The following TLR6 variants were observed in gnomAD, a reference collection of about 807,000 sequenced individuals.
TLR6 encodes toll-like receptor 6.
Under a neutral mutation model 16.1 loss-of-function variants are expected in TLR6, and 9 were observed. The observed-to-expected ratio is 0.56, with a 90% CI of 0.34 to 0.98. The LOEUF is 0.98. TLR6 is among the 50% of genes least tolerant of loss of function. The probability of loss-of-function intolerance (pLI) is 0.02; values close to 1 mark genes in which losing one functional copy is unlikely to be tolerated. For missense variants in TLR6, 786 were observed against 921.0 expected, an observed-to-expected ratio of 0.85 and a Z score of 1.90; for synonymous variants, 340 against 338.6, an observed-to-expected ratio of 1.00 and a Z score of -0.04.
intron 1 of TLR6, among the ~76,000 whole-genome samples, chr4:38,839,901 C>T (rs1189184842): frequency 6.6e-6 from 1 of 152,218 alleles, no homozygotes; most frequent in Non-Finnish European, 1.5e-5. Context: ...GACAGTGGTG[C>T]CAGTGCTGAG....
exon 2 of TLR6, chr4:38,829,465 T>G: frequency 6.2e-7 from 1 of 1,609,216 alleles, no homozygotes; most frequent in Middle Eastern, 1.7e-4. Flanking sequence ...GTTCTTTGTC[T>G]TTGGTCATGA....
At chr4:38,843,367 A>G (rs1447675179) in intron 1 of TLR6, among the ~76,000 whole-genome samples, 1 of 152,232 alleles carries the variant, frequency 6.6e-6, no homozygotes, top group Non-Finnish European at 1.5e-5. Context: ...GATAATTGAG[A>G]GCAGATTACC....
intron 1 of TLR6, among the ~76,000 whole-genome samples, chr4:38,831,247 A>G (rs1711558350): frequency 1.3e-5 from 2 of 151,700 alleles, no homozygotes; most frequent in South Asian, 2.1e-4. Context: ...TGGAGAATGG[A>G]TAGTCTTTTC....
chr4:38,866,868 A>T, the TLR6 span, among the ~76,000 whole-genome samples: 13 of 152,160 alleles, frequency 8.5e-5, no homozygotes, highest in East Asian at 2.5e-3. Context: ...TTTAACTTTG[A>T]ATTTATAATT....
chr4:38,843,345 C>T (rs1712369893), intron 1 of TLR6, among the ~76,000 whole-genome samples: 1 of 152,204 alleles, frequency 6.6e-6, no homozygotes, highest in East Asian at 1.9e-4. Flanking sequence ...AAGTAGGTCT[C>T]TGTGTTGCAG....
chr4:38,856,430 C>T (rs1712991760), intron 1 of TLR6, among the ~76,000 whole-genome samples: 4 of 152,114 alleles, frequency 2.6e-5, no homozygotes, highest in Admixed American at 6.6e-5. Flanking sequence ...TTAAATGTTA[C>T]TGAAAACAAT....
chr4:38,849,728 C>A (rs1487324067), intron 1 of TLR6, among the ~76,000 whole-genome samples: 1 of 152,208 alleles, frequency 6.6e-6, no homozygotes, highest in Non-Finnish European at 1.5e-5. Flanking sequence ...GAAGAGCTAA[C>A]TATCCTAAAT....
At position 38,826,240 on chromosome 4, in the gene TLR6, TG is replaced by T. The variant is rs550554965; in HGVS notation, c.*842del. The T allele has an allele frequency of 8.1e-4, 123 of 152,418 alleles. 3 individuals are homozygous for T. The highest frequency in any genetic ancestry group is 2.9e-3 in the African/African-American group (121 of 41,596). 9.4% of individuals were successfully genotyped at this position (152,418 alleles called of 1,614,324 possible). ...CTTAATGACTCTTTAATCACGCTTT[TG>T]ACTCTAGTCTTCTAGAGATGGATAA... On this transcript the variant is annotated 3_prime_UTR_variant, in exon 2 of 2. Transcript: ENST00000436693.
chr4:38,835,832 T>C (rs1173028097), intron 1 of TLR6, among the ~76,000 whole-genome samples: 1 of 152,146 alleles, frequency 6.6e-6, no homozygotes, highest in Non-Finnish European at 1.5e-5. Context: ...TTTGAAACTG[T>C]ATAAATACAT....
At chr4:38,824,971 A>G in exon 2 of TLR6, 1 of 151,828 alleles carries the variant, frequency 6.6e-6, no homozygotes, top group East Asian at 1.9e-4. Context: ...TAATTTTTGT[A>G]TTTTTAGTAC....
chr4:38,827,572 T>C, exon 2 of TLR6: 1 of 1,614,236 alleles, frequency 6.2e-7, no homozygotes. Context: ...TTTGGAGTTC[T>C]TCTAAGGGTA....
exon 2 of TLR6, chr4:38,826,923 CA>C (rs1207388703): frequency 1.6e-6 from 1 of 611,782 alleles, no homozygotes; most frequent in Non-Finnish European, 2.7e-6. Flanking sequence ...AGGCTAACCT[CA>C]CCGCCTAGCT....
chr4:38,868,115 G>A, the TLR6 span: 2 of 270,096 alleles, frequency 7.4e-6, no homozygotes, highest in South Asian at 3.3e-5. Flanking sequence ...ACACCCACAC[G>A]CCCACACTCA....
At chr4:38,825,386 T>G (rs1727497292) in exon 2 of TLR6, 1 of 152,236 alleles carries the variant, frequency 6.6e-6, no homozygotes, top group African/African-American at 2.4e-5. Context: ...TCTTTACTCT[T>G]CCTCCATTGT....
chr4:38,842,939 C>T (rs1174265087), intron 1 of TLR6, among the ~76,000 whole-genome samples: 3 of 151,872 alleles, frequency 2.0e-5, no homozygotes, highest in Admixed American at 2.0e-4. Flanking sequence ...TTCCAACCAA[C>T]ATTAGACTGC....
rs147490469 is a variant in TLR6, at chr4:38,854,458, T to C, written c.-65+2303A>G. 1.1e-4 allele frequency among the ~76,000 whole-genome samples: 17 copies of C among 152,294 alleles called. No homozygotes were observed. In the East Asian group the frequency reaches 2.5e-3, roughly 22 times the overall value. On this transcript the variant is annotated intron_variant, in intron 1 of 1. Transcript: ENST00000436693. ...AATGCCTGTTATTTTTACTATAAGA[T>C]ATTTAAGCATAAAAAGAGGAAGGGG...
exon 2 of TLR6, chr4:38,828,797 G>A: frequency 6.2e-7 from 1 of 1,613,866 alleles, no homozygotes; most frequent in Non-Finnish European, 8.5e-7. Flanking sequence ...TTTAATATTA[G>A]TCAGTTGTAA....
At chr4:38,858,231 TG>T (rs1178899188), upstream of TLR6, among the ~76,000 whole-genome samples, 1 of 152,222 alleles carries the variant, frequency 6.6e-6, no homozygotes, top group Non-Finnish European at 1.5e-5. Flanking sequence ...CTGTGAGGCT[TG>T]GGACAAGTCC....
upstream of TLR6, among the ~76,000 whole-genome samples, chr4:38,859,338 T>A (rs1302482063): frequency 1.3e-5 from 2 of 152,218 alleles, no homozygotes; most frequent in Non-Finnish European, 2.9e-5. Context: ...AGCATCACCC[T>A]ATGAACAGCT....
Sources: gnomAD v4.1 joint callset for allele counts (sites outside exome capture counted in the v4.1 genomes callset) on GRCh38, gnomAD v4.1.1 for gene constraint, MANE v1.5 for transcripts, NCBI Gene and HGNC (gene_info 2026-07-23, HGNC 2026-07-21) for gene names.